The following EPHA7 variants were observed in gnomAD, a reference collection of about 807,000 sequenced individuals.
EPHA7 encodes EPH receptor A7, also known as ephrin type-A receptor 7.
In EPHA7, 25 loss-of-function variants were observed where a neutral mutation model predicts 112.6. The observed-to-expected ratio is 0.22, with a 90% CI of 0.16 to 0.31. EPHA7 has a LOEUF of 0.31. EPHA7 is among the 10% of genes least tolerant of loss of function. EPHA7 has a pLI of 1.00. For synonymous variants in EPHA7, 437 were observed against 406.5 expected, an observed-to-expected ratio of 1.07 and a Z score of -0.90; for missense variants, 962 against 1,212.6, an observed-to-expected ratio of 0.79 and a Z score of 3.07.
At chr6:93,318,834 CTA>C (rs1318161435) in intron 5 of EPHA7, among the ~76,000 whole-genome samples, 2 of 152,152 alleles carry the variant, frequency 1.3e-5, no homozygotes, top group African/African-American at 4.8e-5. Flanking sequence ...AATCAGGAAA[CTA>C]TTGCTGTGGC....
chr6:93,397,030 C>T (rs1778211248), intron 3 of EPHA7, among the ~76,000 whole-genome samples: 1 of 151,530 alleles, frequency 6.6e-6, no homozygotes, highest in Non-Finnish European at 1.5e-5. Flanking sequence ...AAATTGAGAA[C>T]ATTATCAAAT....
chr6:93,258,086 A>C lies in EPHA7; in HGVS notation c.2110+13T>G. On this transcript the variant is annotated intron_variant, in intron 11 of 16. Transcript: ENST00000369303. ...AGTCTTTTTGATAAAATAAAGATAT[A>C]ACCAATATCTACCTCTTGTAACAAC... 1 of 1,603,420 alleles carries C rather than the reference A, an allele frequency of 6.2e-7. No homozygotes were observed. Among genetic ancestry groups the C allele is most frequent in the Non-Finnish European group, 8.5e-7 (1 of 1,171,782 alleles).
chr6:93,287,831 T>C (rs373267715), intron 5 of EPHA7, among the ~76,000 whole-genome samples: 1 of 152,150 alleles, frequency 6.6e-6, no homozygotes, highest in Admixed American at 6.5e-5. Context: ...TATGAAAAGA[T>C]GTTCATCATT....
At chr6:93,376,881 C>T (rs1777086313) in intron 3 of EPHA7, among the ~76,000 whole-genome samples, 1 of 152,090 alleles carries the variant, frequency 6.6e-6, no homozygotes, top group Non-Finnish European at 1.5e-5. Flanking sequence ...TCTATGTTTC[C>T]TGAGACAAGC....
At chr6:93,346,427 G>A (rs576807589) in intron 5 of EPHA7, among the ~76,000 whole-genome samples, 1 of 151,884 alleles carries the variant, frequency 6.6e-6, no homozygotes, top group South Asian at 2.1e-4. Flanking sequence ...AAACCTGTTT[G>A]TACCATAGAA....
chr6:93,299,007 G>T (rs1462255337), intron 5 of EPHA7, among the ~76,000 whole-genome samples: 1 of 152,082 alleles, frequency 6.6e-6, no homozygotes, highest in Non-Finnish European at 1.5e-5. Flanking sequence ...TTTTTCAAAA[G>T]ACATACATAT....
intron 3 of EPHA7, among the ~76,000 whole-genome samples, chr6:93,389,058 C>T (rs1484329518): frequency 6.6e-6 from 1 of 151,910 alleles, no homozygotes; most frequent in Non-Finnish European, 1.5e-5. Flanking sequence ...GTAGGATGTA[C>T]AGAAATTGAC....
At chr6:93,372,456 C>T (rs1404055802) in intron 3 of EPHA7, among the ~76,000 whole-genome samples, 1 of 152,038 alleles carries the variant, frequency 6.6e-6, no homozygotes, top group Non-Finnish European at 1.5e-5. Context: ...TCTTCTCATG[C>T]TACAGATGTT....
At chr6:93,289,464 A>G (rs1339365492) in intron 5 of EPHA7, among the ~76,000 whole-genome samples, 2 of 136,224 alleles carry the variant, frequency 1.5e-5, no homozygotes, top group Admixed American at 7.0e-5. Context: ...CTAAAAATAC[A>G]AAAAAAAAAA....
intron 5 of EPHA7, among the ~76,000 whole-genome samples, chr6:93,290,943 T>A (rs1253630098): frequency 6.6e-6 from 1 of 152,274 alleles, no homozygotes; most frequent in East Asian, 1.9e-4. Context: ...AAAATACAGC[T>A]GCAAACAATG....
chr6:93,278,060 C>T (rs2127891944), intron 5 of EPHA7, among the ~76,000 whole-genome samples: 1 of 152,130 alleles, frequency 6.6e-6, no homozygotes, highest in East Asian at 1.9e-4. Context: ...AATGATCTGA[C>T]AATACATCTT....
chr6:93,337,444 A>G (rs1249121346), intron 5 of EPHA7, among the ~76,000 whole-genome samples: 1 of 152,190 alleles, frequency 6.6e-6, no homozygotes, highest in Non-Finnish European at 1.5e-5. Flanking sequence ...GAAAAAAAGT[A>G]CTTGTATAAA....
intron 11 of EPHA7, 46 bp from the exon 12 acceptor site, chr6:93,257,569 A>G (rs369281456): frequency 1.5e-6 from 2 of 1,303,452 alleles, no homozygotes; most frequent in Non-Finnish European, 2.2e-6. Context: ...CCTGAGCTGG[A>G]GGGTCATTTC....
chr6:93,300,540 A>G (rs753985634), intron 5 of EPHA7, among the ~76,000 whole-genome samples: 2 of 152,192 alleles, frequency 1.3e-5, no homozygotes, highest in Non-Finnish European at 2.9e-5. Context: ...AAAGAATTAT[A>G]CATGAATACA....
In EPHA7 at chr6:93,283,356, G is replaced by A. The variant is rs551057626; in HGVS notation, c.1325-10934C>T. On this transcript the variant is annotated intron_variant, in intron 5 of 16. Coordinates refer to ENST00000369303, the MANE Select transcript of EPHA7 (RefSeq NM_004440.4). ...CAGACCAATCAGCAGGATGTGGGTG[G>A]GGCCAGATAAGAGAATAAAAGCAGG... is the stretch of plus-strand genomic sequence containing the variant. Among the ~76,000 whole-genome samples, 112 of 152,160 alleles carry A rather than the reference G, an allele frequency of 7.4e-4. 2 individuals carry two copies. The South Asian group carries it at 0.021, about 29-fold the overall frequency.
intron 3 of EPHA7, among the ~76,000 whole-genome samples, chr6:93,403,793 A>G (rs1412207756): frequency 1.3e-5 from 2 of 152,144 alleles, no homozygotes; most frequent in African/African-American, 4.8e-5. Context: ...CTACGTAGGA[A>G]AAAACAAGAT....
intron 5 of EPHA7, among the ~76,000 whole-genome samples, chr6:93,343,024 C>A (rs540179520): frequency 6.6e-6 from 1 of 151,768 alleles, no homozygotes; most frequent in East Asian, 1.9e-4. Flanking sequence ...ATAACCTAAG[C>A]ATAAAAGTTG....
At chr6:93,382,440 C>T (rs1326081609) in intron 3 of EPHA7, among the ~76,000 whole-genome samples, 1 of 152,180 alleles carries the variant, frequency 6.6e-6, no homozygotes, top group Non-Finnish European at 1.5e-5. Flanking sequence ...AACCTGCCTG[C>T]CCCGCACATC....
chr6:93,395,109 G>A (rs550766441), intron 3 of EPHA7, among the ~76,000 whole-genome samples: 89 of 151,636 alleles, frequency 5.9e-4, no homozygotes, highest in Non-Finnish European at 1.2e-3. Flanking sequence ...TCCTTAGTAA[G>A]CAAAACATGA....
Sources: gnomAD v4.1 joint callset for allele counts (sites outside exome capture counted in the v4.1 genomes callset) on GRCh38, gnomAD v4.1.1 for gene constraint, MANE v1.5 for transcripts, NCBI Gene and HGNC (gene_info 2026-07-23, HGNC 2026-07-21) for gene names.